Variants in ADRA1B observed in about 807,000 individuals in gnomAD.
ADRA1B encodes the protein alpha-1B adrenergic receptor.
Under a neutral mutation model 17.9 loss-of-function variants are expected in ADRA1B, and 17 were observed. The observed-to-expected ratio is 0.95, with a 90% CI of 0.65 to 1.42. ADRA1B has a LOEUF of 1.42. Ranked by LOEUF, ADRA1B falls within the 40% of genes most tolerant of loss-of-function variation. The pLI, the probability that ADRA1B is intolerant of heterozygous loss-of-function variation, is 0.00. For synonymous variants in ADRA1B, 366 were observed against 327.6 expected (o/e 1.12, Z -1.27); for missense variants, 681 against 722.1 (o/e 0.94, Z 0.65).
intron 1 of ADRA1B, among the ~76,000 whole-genome samples, chr5:159,963,294 A>ATATATATATGTATATATATATATATG (rs1310426291): frequency 2.0e-5 from 3 of 149,966 alleles, no homozygotes; most frequent in Non-Finnish European, 4.4e-5. Context: ...AAAAGTATAT[A>ATATATATATGTATATATATATATATG]TATATATATA....
At chr5:159,942,420 C>A (rs936963508) in intron 1 of ADRA1B, among the ~76,000 whole-genome samples, 4 of 152,140 alleles carry the variant, frequency 2.6e-5, no homozygotes, top group African/African-American at 9.7e-5. Context: ...AAAAGTCTAT[C>A]CGTAAGCAGG....
chr5:159,900,145 A>C (rs1754086366), intron 1 of ADRA1B, among the ~76,000 whole-genome samples: 1 of 152,178 alleles, frequency 6.6e-6, no homozygotes, highest in Non-Finnish European at 1.5e-5. Flanking sequence ...TTACATTATC[A>C]AGCCTTTTAA....
At position 159,961,171 on chromosome 5, in the gene ADRA1B, T is replaced by C. The variant is rs139248952; in HGVS notation, c.950-10708T>C. On this transcript the variant is annotated intron_variant, in intron 1 of 1. Coordinates refer to ENST00000306675, the MANE Select transcript of ADRA1B (RefSeq NM_000679.4). ...CGAGTAAAAACCCACACTTCAAAAT[T>C]GGATTTTAATTAGAGTCCACCACAT... Among the ~76,000 whole-genome samples, 4 of 152,334 alleles carry C rather than the reference T, an allele frequency of 2.6e-5. No individual in the cohort carries two copies. The East Asian group carries it at 7.7e-4, about 29-fold the overall frequency.
chr5:159,888,391 G>T (rs974924813), intron 1 of ADRA1B: 1 of 152,094 alleles, frequency 6.6e-6, no homozygotes, highest in Non-Finnish European at 1.5e-5. Flanking sequence ...CAGATGAAAA[G>T]GGGAAGTAAT....
At chr5:159,930,747 G>A (rs1373621974) in intron 1 of ADRA1B, among the ~76,000 whole-genome samples, 2 of 152,010 alleles carry the variant, frequency 1.3e-5, no homozygotes, top group East Asian at 1.9e-4. Flanking sequence ...ATGGAGTGAG[G>A]AGGAGTAGAT....
intron 1 of ADRA1B, among the ~76,000 whole-genome samples, chr5:159,874,735 A>G (rs1367339089): frequency 6.6e-6 from 1 of 152,220 alleles, no homozygotes; most frequent in African/African-American, 2.4e-5. Flanking sequence ...AGGGACAAGG[A>G]GCCTGGACTT....
At chr5:159,988,133 A>G in the ADRA1B span, among the ~76,000 whole-genome samples, 1 of 152,202 alleles carries the variant, frequency 6.6e-6, no homozygotes, top group Non-Finnish European at 1.5e-5. Context: ...AGACAATGTG[A>G]CAACAGAAGC....
chr5:159,899,302 G>GGAAT (rs1754074926), intron 1 of ADRA1B, among the ~76,000 whole-genome samples: 1 of 148,322 alleles, frequency 6.7e-6, no homozygotes, highest in East Asian at 1.9e-4. Context: ...AAGGAAGGAA[G>GGAAT]GAAGGAAGGA....
At chr5:159,881,299 T>TTCTCTCTCTCTCTCTC (rs11471058) in intron 1 of ADRA1B, among the ~76,000 whole-genome samples, 18 of 131,956 alleles carry the variant, frequency 1.4e-4, no homozygotes, top group East Asian at 6.1e-4. Context: ...TATCAGAAAG[T>TTCTCTCTCTCTCTCTC]TCTCTCTCTC....
chr5:159,899,287 G>GAAGGAAGGAAGA (rs1754073871), intron 1 of ADRA1B, among the ~76,000 whole-genome samples: 1 of 76,396 alleles, frequency 1.3e-5, no homozygotes, highest in African/African-American at 4.4e-5. Context: ...AGGAAGGAAG[G>GAAGGAAGGAAGA]AAGGAAGGAA....
chr5:159,947,678 G>A (rs536005929), intron 1 of ADRA1B: 24 of 984,624 alleles, frequency 2.4e-5, no homozygotes, highest in Middle Eastern at 1.0e-3. Context: ...CTATGACTTT[G>A]CTTCTTTCCA....
chr5:159,873,058 G>C (rs2113073638), intron 1 of ADRA1B, among the ~76,000 whole-genome samples: 1 of 152,148 alleles, frequency 6.6e-6, no homozygotes, highest in Admixed American at 6.5e-5. Context: ...AGTTTGTGGA[G>C]AATGATGGTT....
chr5:159,942,344 A>AT (rs1755158576), intron 1 of ADRA1B, among the ~76,000 whole-genome samples: 1 of 152,202 alleles, frequency 6.6e-6, no homozygotes, highest in Non-Finnish European at 1.5e-5. Context: ...AATTTATGGT[A>AT]TGGGAATTAT....
chr5:159,880,868 T>C (rs1374125219), intron 1 of ADRA1B, among the ~76,000 whole-genome samples: 2 of 152,240 alleles, frequency 1.3e-5, no homozygotes. Flanking sequence ...GTATCCTTCA[T>C]GCTGGTACCC....
intron 1 of ADRA1B, among the ~76,000 whole-genome samples, chr5:159,946,528 CAT>C (rs963123898): frequency 4.6e-5 from 7 of 152,208 alleles, no homozygotes; most frequent in Non-Finnish European, 7.3e-5. Context: ...GTGTCTGTCA[CAT>C]GTTTTGCCAG....
chr5:159,896,975 T>C (rs960944613), intron 1 of ADRA1B, among the ~76,000 whole-genome samples: 6 of 152,160 alleles, frequency 3.9e-5, no homozygotes, highest in African/African-American at 1.4e-4. Flanking sequence ...TATGAGACAA[T>C]GGAAAAATAG....
At chr5:159,967,347 T>C (rs1755793884) in intron 1 of ADRA1B, among the ~76,000 whole-genome samples, 1 of 152,174 alleles carries the variant, frequency 6.6e-6, no homozygotes, top group African/African-American at 2.4e-5. Context: ...CTTGTATGAA[T>C]TCTATGGGGT....
chr5:159,881,299 TTCTCTC>T (rs11471058), intron 1 of ADRA1B, among the ~76,000 whole-genome samples: 4,206 of 131,972 alleles, frequency 0.032, 143 homozygotes, highest in East Asian at 0.047. Flanking sequence ...TATCAGAAAG[TTCTCTC>T]TCTCTCTCTC....
intron 1 of ADRA1B, among the ~76,000 whole-genome samples, chr5:159,924,576 G>A (rs1754590804): frequency 2.6e-5 from 4 of 152,186 alleles, no homozygotes; most frequent in Admixed American, 2.0e-4. Context: ...GGGGAAGAAT[G>A]ATGTGTGAAG....
Sources: allele counts gnomAD v4.1 joint callset (sites outside exome capture counted in the v4.1 genomes callset), GRCh38; gene constraint gnomAD v4.1.1; transcripts MANE v1.5; gene names NCBI Gene and HGNC (gene_info 2026-07-23, HGNC 2026-07-21).